CNST: variants seen among roughly 807,000 people sequenced by gnomAD.
CNST encodes consortin, connexin sorting protein.
In CNST, 39 loss-of-function variants were observed where a neutral mutation model predicts 72.4. The observed-to-expected ratio is 0.54, with a 90% confidence interval of 0.42 to 0.70. CNST has a LOEUF of 0.70. Among genes scored for constraint, CNST ranks in the 30% least tolerant of loss-of-function variants. The pLI is 0.00. For missense variants in CNST, 871 were observed against 868.5 expected (o/e 1.00, Z -0.04); for synonymous variants, 332 against 320.1 (o/e 1.04, Z -0.40).
At chr1:246,618,229 A>T (rs1431952176) in intron 2 of CNST, among the ~76,000 whole-genome samples, 2 of 152,182 alleles carry the variant, frequency 1.3e-5, no homozygotes, top group Non-Finnish European at 2.9e-5. Context: ...AGAACTAGAG[A>T]ACTTCTCTAT....
chr1:246,566,488 G>T lies in CNST; in HGVS notation c.-227G>T. The T allele has an allele frequency of 2.3e-6, 1 of 443,092 alleles. No homozygotes were observed. The highest frequency in any genetic ancestry group is 4.0e-6 in the Non-Finnish European group (1 of 249,126). 27.4% of individuals were successfully genotyped at this position (443,092 alleles called of 1,614,324 possible). A position where few individuals can be genotyped will look rare whatever the true frequency, so the allele number is the denominator to read the frequency against. On this transcript the variant is annotated 5_prime_UTR_variant, in exon 1 of 11. Transcript: ENST00000366513. ...CGGGCCGCCAGCCTCCAGCCGGCCA[G>T]CCGCGAGGGGTGCGCAGAGGGAGGC...
Position 246,647,418 on chromosome 1 carries a change from A to G in CNST, c.1217A>G (p.Glu406Gly), listed in dbSNP as rs200640942. ...DDSRLQLAQT[E>G]ACQDVARIEG... The stretch of plus-strand genomic sequence containing the variant: ...AGTCGCTTGCAGCTGGCTCAAACAG[A>G]GGCCTGCCAGGATGTGGCCAGAATA... The change falls in exon 9 of 11, where the codon GAG (glutamate) becomes GGG (glycine). Residue 406 changes from glutamate to glycine, a missense_variant. Transcript: ENST00000366513. 6.2e-7 allele frequency: 1 copy of G among 1,614,154 alleles called. No individual in the cohort carries two copies. Among genetic ancestry groups the G allele is most frequent in the South Asian group, 1.1e-5 (1 of 91,080 alleles).
At chr1:246,586,359 CAT>C (rs1226443831) in intron 1 of CNST, among the ~76,000 whole-genome samples, 1 of 147,122 alleles carries the variant, frequency 6.8e-6, no homozygotes, top group African/African-American at 2.5e-5. Context: ...AAATAAGATA[CAT>C]AGATATATAA....
At chr1:246,586,914 G>A (rs1308890905) in intron 1 of CNST, among the ~76,000 whole-genome samples, 1 of 152,150 alleles carries the variant, frequency 6.6e-6, no homozygotes, top group South Asian at 2.1e-4. Context: ...ATTTAAAAAT[G>A]ATTATAGTGG....
chr1:246,616,129 A>G (rs1185934744), intron 2 of CNST, among the ~76,000 whole-genome samples: 1 of 152,210 alleles, frequency 6.6e-6, no homozygotes, highest in Non-Finnish European at 1.5e-5. Flanking sequence ...ATATGGATTC[A>G]TATGTGGCAG....
chr1:246,577,168 GA>G (rs751757825), intron 1 of CNST, among the ~76,000 whole-genome samples: 40 of 152,134 alleles, frequency 2.6e-4, no homozygotes, highest in Non-Finnish European at 5.6e-4. Flanking sequence ...TTATTCAGGT[GA>G]AAATGCTTTT....
In CNST at chr1:246,647,439, G is replaced by A; in HGVS notation, c.1238G>A (p.Arg413Lys). 1 of 1,614,194 alleles carries A rather than the reference G, an allele frequency of 6.2e-7. No homozygotes were observed. The highest frequency in any genetic ancestry group is 1.7e-5 in the Admixed American group (1 of 60,028). ...AQTEACQDVARIEGIAEDPKV... is the reference protein window; with the variant it reads ...AQTEACQDVAKIEGIAEDPKV... ...ACAGAGGCCTGCCAGGATGTGGCCA[G>A]AATAGAGGGCATTGCTGAAGACCCT... The change falls in exon 9 of 11, where the codon AGA becomes AAA. Residue 413 changes from arginine to lysine, a missense_variant. Coordinates refer to ENST00000366513, the MANE Select transcript of CNST (RefSeq NM_152609.3).
intron 2 of CNST, among the ~76,000 whole-genome samples, chr1:246,609,657 T>C (rs1663170674): frequency 6.6e-6 from 1 of 152,184 alleles, no homozygotes; most frequent in Non-Finnish European, 1.5e-5. Context: ...GGATGAAACA[T>C]GTCAGAAAAA....
intron 10 of CNST, among the ~76,000 whole-genome samples, chr1:246,661,624 G>A (rs1003711054): frequency 2.6e-5 from 4 of 152,206 alleles, no homozygotes; most frequent in Non-Finnish European, 5.9e-5. Flanking sequence ...GGTGAGTTTT[G>A]TAGTGAACAA....
rs1219077827 is a variant in CNST at position 246,591,819 on chromosome 1, A to G, written c.257A>G (p.Asn86Ser). The stretch of plus-strand genomic sequence containing the variant: ...AGCTGCGAGGTGGCTGCAGGTGAGA[A>G]CTTGCAAAACACCCTTTGTGAAGCC... ...TLSCEVAAGE[N>S]LQNTLCEASR... The change falls in exon 2 of 11, where the codon AAC becomes AGC. Residue 86 changes from asparagine (N) to serine (S), a missense_variant. By Grantham distance (46) the Asn-to-Ser change is conservative (BLOSUM62 1). Coordinates refer to ENST00000366513, the MANE Select transcript of CNST (RefSeq NM_152609.3). 2 of 1,613,968 alleles carry G rather than the reference A, an allele frequency of 1.2e-6. No individual in the cohort carries two copies.
intron 8 of CNST, among the ~76,000 whole-genome samples, chr1:246,646,606 G>A (rs1294066910): frequency 1.5e-4 from 23 of 152,014 alleles, no homozygotes; most frequent in Non-Finnish European, 5.9e-5. Flanking sequence ...TCAGCCTCCC[G>A]AGTAGCTGGG....
intron 10 of CNST, among the ~76,000 whole-genome samples, chr1:246,663,124 C>G (rs527490582): frequency 6.6e-6 from 1 of 152,174 alleles, no homozygotes; most frequent in Non-Finnish European, 1.5e-5. Flanking sequence ...CCAAGTCTTC[C>G]TCCTGGATCA....
At chr1:246,655,290 G>A (rs1666714561) in intron 9 of CNST, among the ~76,000 whole-genome samples, 3 of 152,084 alleles carry the variant, frequency 2.0e-5, no homozygotes, top group Admixed American at 1.3e-4. Context: ...ATCATCATGC[G>A]TTTTTCCCCT....
In CNST at chr1:246,647,130, C is replaced by T. The variant is rs760502449; in HGVS notation, c.938-9C>T. The T allele has an allele frequency of 3.2e-6, 5 of 1,583,220 alleles. No homozygotes were observed. The highest frequency in any genetic ancestry group is 1.1e-5 in the South Asian group (1 of 87,538). On this transcript the variant is annotated splice_polypyrimidine_tract_variant and intron_variant, in intron 8 of 10. Coordinates refer to ENST00000366513, the MANE Select transcript of CNST (RefSeq NM_152609.3). ...GAATTTTTAACAATTTATTTTTCTT[C>T]ATCTTTAGAGAGTAAAACTTGTCTC...
chr1:246,577,272 T>C lies in CNST; in HGVS notation c.-52+10609T>C, dbSNP rs147445303. On this transcript the variant is annotated intron_variant, in intron 1 of 10. Transcript: ENST00000366513. ...TGTTTTCCTGTTGTTATGACTTTGT[T>C]GTTCTCACCTGTCCTCCATACCGCC... Among the ~76,000 whole-genome samples, 597 of 152,182 alleles carry C rather than the reference T, an allele frequency of 3.9e-3. 9 individuals carry two copies. The highest frequency in any genetic ancestry group is 0.014 in the African/African-American group (573 of 41,430).
chr1:246,594,660 T>C (rs1490550811), intron 2 of CNST, among the ~76,000 whole-genome samples: 1 of 152,108 alleles, frequency 6.6e-6, no homozygotes, highest in Admixed American at 6.6e-5. Context: ...TCCCAGCTAC[T>C]TGGGAGGCTG....
In CNST at chr1:246,621,444, A is replaced by T; in HGVS notation, c.395A>T (p.Asp132Val). 2 of 1,613,380 alleles carry T rather than the reference A, an allele frequency of 1.2e-6. No homozygotes were observed. Among genetic ancestry groups the T allele is most frequent in the South Asian group, 2.2e-5 (2 of 91,050 alleles). ...CTTCTTAAAGGACTTTTTTCAGGAGATATTGCACCTTTAATGCAAGAAAAA... is the reference window on the plus strand; with the variant it reads ...CTTCTTAAAGGACTTTTTTCAGGAGTTATTGCACCTTTAATGCAAGAAAAA... ...KKIPPGLFSG[D>V]IAPLMQEKVL... Residue 132 changes from aspartate to valine, a missense_variant, in exon 3 of 11, where the codon GAT becomes GTT. By Grantham distance (152) the Asp-to-Val change is radical. Transcript: ENST00000366513.
intron 9 of CNST, among the ~76,000 whole-genome samples, chr1:246,652,798 A>T (rs189847801): frequency 1.3e-5 from 2 of 151,212 alleles, no homozygotes; most frequent in South Asian, 2.1e-4. Flanking sequence ...AGGTCAGGAG[A>T]TCGAGACCAT....
chr1:246,612,349 A>C (rs894254086), intron 2 of CNST, among the ~76,000 whole-genome samples: 1 of 152,136 alleles, frequency 6.6e-6, no homozygotes. Context: ...TTACAGGTGC[A>C]TGCTACCACG....
Sources: allele counts gnomAD v4.1 joint callset (sites outside exome capture counted in the v4.1 genomes callset), GRCh38; gene constraint gnomAD v4.1.1; transcripts MANE v1.5; gene names NCBI Gene and HGNC (gene_info 2026-07-23, HGNC 2026-07-21).